CYP24A1: variants seen among roughly 807,000 people sequenced by gnomAD.
The protein encoded by CYP24A1 is 1,25-dihydroxyvitamin D(3) 24-hydroxylase, mitochondrial.
CYP24A1 carries 68 observed loss-of-function variants against 62.4 expected under a neutral mutation model. The observed-to-expected ratio is 1.09, with a 90% CI of 0.90 to 1.33. The LOEUF (loss-of-function observed/expected upper bound fraction) is 1.33. CYP24A1 is among the 40% of genes most tolerant of loss of function. The pLI is 0.00. For synonymous variants in CYP24A1, 267 were observed against 253.0 expected (o/e 1.06, Z -0.52); for missense variants, 787 against 653.0 (o/e 1.21, Z -2.24).
At chr20:54,172,071 A>G in intron 2 of CYP24A1, 1 of 301,718 alleles carries the variant, frequency 3.3e-6, no homozygotes, top group Non-Finnish European at 6.4e-6. Flanking sequence ...TCTTCTTTCA[A>G]CTCATTGGTG....
At position 54,173,617 on chromosome 20, in the gene CYP24A1, ATGGGG is replaced by A; in HGVS notation, c.-43_-39del. 1 of 1,513,792 alleles carries A rather than the reference ATGGGG, an allele frequency of 6.6e-7. No individual in the cohort carries two copies. Among genetic ancestry groups the A allele is most frequent in the Non-Finnish European group, 8.9e-7 (1 of 1,120,080 alleles). The allele number at this position is 1,513,792 out of a possible 1,614,324, so 93.8% of individuals were successfully genotyped here. A position where few individuals can be genotyped will look rare whatever the true frequency, so the allele number is the denominator to read the frequency against. On this transcript the variant is annotated 5_prime_UTR_variant, in exon 1 of 12. Transcript: ENST00000216862. The surrounding 1 kb of genome is among the most constrained non-coding windows in gnomAD (Gnocchi z 7.2). ...CACCGGAGCGCGGGAAGGCAGGAGG[ATGGGG>A]TGGGGCGAGGTTGGTACGAGGTGCT...
At chr20:54,148,033 A>G in the CYP24A1 span, among the ~76,000 whole-genome samples, 4 of 152,064 alleles carry the variant, frequency 2.6e-5, no homozygotes, top group Non-Finnish European at 5.9e-5. Flanking sequence ...ACAGGGTTTC[A>G]CCATGTTGGC....
At chr20:54,155,996 T>C (rs930193342) in intron 11 of CYP24A1, among the ~76,000 whole-genome samples, 1 of 152,186 alleles carries the variant, frequency 6.6e-6, no homozygotes, top group Non-Finnish European at 1.5e-5. Flanking sequence ...GGAGGGAACA[T>C]GAGAACTCCT....
At position 54,173,125 on chromosome 20, in the gene CYP24A1, T is replaced by C. The variant is rs1231173336; in HGVS notation, c.259-26A>G. 2 of 1,599,626 alleles carry C rather than the reference T, an allele frequency of 1.3e-6. No homozygotes were observed. The highest frequency in any genetic ancestry group is 3.3e-5 in the Admixed American group (2 of 59,984). On this transcript the variant is annotated intron_variant, in intron 1 of 11. Coordinates refer to ENST00000216862, the MANE Select transcript of CYP24A1 (RefSeq NM_000782.5). The surrounding 1 kb of genome is among the most constrained non-coding windows in gnomAD (Gnocchi z 7.2). ...CTGCAGCCGGCCGGGCACAGCGCGG[T>C]GTCAGCGCGCATCCTCCGCCGTGCC...
chr20:54,171,588 T>C lies in CYP24A1; in HGVS notation c.532A>G (p.Lys178Glu), dbSNP rs1218311101. 1 of 1,613,852 alleles carries C rather than the reference T, an allele frequency of 6.2e-7. No individual in the cohort carries two copies. Among genetic ancestry groups the C allele is most frequent in the Non-Finnish European group, 8.5e-7 (1 of 1,179,872 alleles). ...KPGEVMKLDN[K>E]INEVLADFMG... ...CCCAGCCTGCAGACCTCATTGATTT[T>C]GTTGTCCAGCTTCATCACTTCCCCT... The change falls in exon 3 of 12, where the codon AAA (lysine) becomes GAA (glutamate). Residue 178 changes from lysine to glutamate, a missense_variant. Transcript: ENST00000216862.
In CYP24A1 at chr20:54,169,651, C is replaced by T. The variant is rs1205108515; in HGVS notation, c.581G>A (p.Cys194Tyr). The T allele has an allele frequency of 1.7e-5, 28 of 1,614,072 alleles. No individual in the cohort carries two copies. The highest frequency in any genetic ancestry group is 2.7e-5 in the African/African-American group (2 of 74,940). ...ADFMGRIDELCDERGHVEDLY... is the reference protein window; with the variant it reads ...ADFMGRIDELYDERGHVEDLY... ...GTCTTCAACGTGGCCTCTTTCATCACAGAGCTCATCTATTCTGCCCATAAA... is the reference window on the plus strand; with the variant it reads ...GTCTTCAACGTGGCCTCTTTCATCATAGAGCTCATCTATTCTGCCCATAAA... The change falls in exon 4 of 12, where the codon TGT (cysteine) becomes TAT (tyrosine). Residue 194 changes from cysteine to tyrosine, a missense_variant. Coordinates refer to ENST00000216862, the MANE Select transcript of CYP24A1 (RefSeq NM_000782.5).
intron 7 of CYP24A1, among the ~76,000 whole-genome samples, chr20:54,161,967 C>T (rs1050415078): frequency 5.9e-5 from 9 of 152,160 alleles, no homozygotes; most frequent in African/African-American, 1.7e-4. Context: ...TAGCGTGCGC[C>T]ACTCCCATCA....
At chr20:54,159,801 G>A (rs79451854) in intron 7 of CYP24A1, among the ~76,000 whole-genome samples, 1,691 of 152,268 alleles carry the variant, frequency 0.011, 33 homozygotes, top group African/African-American at 0.039. Context: ...TTGTGACAAC[G>A]TTTTCTCGTT....
chr20:54,158,015 G>C (rs2092635768), intron 9 of CYP24A1, 71 bp downstream of exon 9: 1 of 1,599,254 alleles, frequency 6.3e-7, no homozygotes, highest in Admixed American at 1.7e-5. Flanking sequence ...AGTCTAGGGA[G>C]ATCTGGTGAA....
At chr20:54,153,208 G>A (rs1307103641), downstream of CYP24A1, among the ~76,000 whole-genome samples, 1 of 152,130 alleles carries the variant, frequency 6.6e-6, no homozygotes, top group East Asian at 1.9e-4. Context: ...ATTGGAAAGG[G>A]GGTAGAGATA....
rs182327351 is a variant in CYP24A1, at chr20:54,164,583, C to A, written c.733-20G>T. ...CATCATCTGAGAGAAATGCAAATGC[C>A]TTTTTATTCTGAATTCTCCTTCTCT... On this transcript the variant is annotated intron_variant, in intron 5 of 11. Transcript: ENST00000216862. 5.1e-4 allele frequency: 820 copies of A among 1,614,070 alleles called. 4 individuals are homozygous for A. The African/African-American group carries it at 9.8e-3, about 19-fold the overall frequency.
the CYP24A1 span, among the ~76,000 whole-genome samples, chr20:54,145,136 T>A: frequency 4.6e-5 from 7 of 152,320 alleles, no homozygotes; most frequent in South Asian, 4.1e-4. Flanking sequence ...AGTTAACTAT[T>A]TTAAGCTCTT....
intron 4 of CYP24A1, among the ~76,000 whole-genome samples, chr20:54,166,199 C>A (rs1006238273): frequency 1.4e-4 from 22 of 152,154 alleles, no homozygotes; most frequent in Admixed American, 3.9e-4. Context: ...TGGATTCTAT[C>A]TCCTGACATA....
intron 7 of CYP24A1, 151 bp downstream of exon 7, chr20:54,162,566 C>T: frequency 1.9e-6 from 1 of 530,808 alleles, no homozygotes; most frequent in Non-Finnish European, 3.4e-6. Context: ...CGCGGAGGCA[C>T]CGTGGCATCT....
In CYP24A1 at chr20:54,157,432, C is replaced by G; in HGVS notation, c.1390G>C (p.Gly464Arg). 3.1e-6 allele frequency: 5 copies of G among 1,606,708 alleles called. No homozygotes were observed. The South Asian group carries it at 3.3e-5, about 11-fold the overall frequency. The change falls in exon 10 of 12, where the codon GGT (glycine) becomes CGT (arginine). Residue 464 changes from glycine to arginine, a missense_variant. Transcript: ENST00000216862. ...PFGVGKRMCI[G>R]RRLAELQLHL... ...AGTTGAAGCTCTGCTAATCGGCGAC[C>G]AATGCACATTCTTTTTCCAACGCCA...
At chr20:54,167,688 G>A (rs947559789) in intron 4 of CYP24A1, among the ~76,000 whole-genome samples, 8 of 152,008 alleles carry the variant, frequency 5.3e-5, no homozygotes, top group South Asian at 2.1e-4. Flanking sequence ...CAGGAGAATC[G>A]CTTGAACCCA....
chr20:54,169,765 A>C (rs2092687799), intron 3 of CYP24A1, 77 bp from the exon 4 acceptor site: 1 of 1,600,786 alleles, frequency 6.2e-7, no homozygotes, highest in African/African-American at 1.3e-5. Flanking sequence ...CACTGAGCTA[A>C]CTTCAGGTCT....
rs114579367 is a variant in CYP24A1, at chr20:54,169,628, C to G, written c.604G>C (p.Asp202His). Residue 202 changes from aspartate (D) to histidine (H), a missense_variant, in exon 4 of 12, where the codon GAC (aspartate) becomes CAC (histidine). Transcript: ENST00000216862. ...ELCDERGHVE[D>H]LYSELNKWSF... is the part of the protein sequence containing the mutation. ...CATTTGTTCAGTTCGCTGTACAAGTCTTCAACGTGGCCTCTTTCATCACAG... is the reference window on the plus strand; with the variant it reads ...CATTTGTTCAGTTCGCTGTACAAGTGTTCAACGTGGCCTCTTTCATCACAG... 3.5e-4 allele frequency: 572 copies of G among 1,614,198 alleles called. 2 individuals are homozygous for G. In the African/African-American group the frequency reaches 6.9e-3, roughly 20 times the overall value.
At chr20:54,163,922 C>A (rs566288310) in intron 6 of CYP24A1, among the ~76,000 whole-genome samples, 59 of 152,198 alleles carry the variant, frequency 3.9e-4, no homozygotes, top group Admixed American at 2.8e-3. Context: ...ACTCAGGAGT[C>A]CCTGACTCTA....
Sources: allele counts gnomAD v4.1 joint callset (sites outside exome capture counted in the v4.1 genomes callset), GRCh38; gene constraint gnomAD v4.1.1; non-coding constraint Gnocchi (gnomAD v3.1); transcripts MANE v1.5; gene names NCBI Gene and HGNC (gene_info 2026-07-23, HGNC 2026-07-21).